Variants in MAGI2 observed in about 807,000 individuals in gnomAD.
MAGI2 encodes the protein membrane-associated guanylate kinase, WW and PDZ domain-containing protein 2.
Under a neutral mutation model 133.3 loss-of-function variants are expected in MAGI2, and 35 were observed. That is an observed-to-expected ratio of 0.26 (90% CI 0.20 to 0.35). The LOEUF (loss-of-function observed/expected upper bound fraction) is 0.35, where lower values mean the gene tolerates loss of function less well. Ranked by LOEUF, MAGI2 falls within the 10% of genes least tolerant of loss-of-function variation. MAGI2 has a pLI of 1.00. For synonymous variants in MAGI2, 729 were observed against 710.6 expected (o/e 1.03, Z -0.41); for missense variants, 1,636 against 1,863.4 (o/e 0.88, Z 2.25).
chr7:79,450,294 G>A (rs1384392913), intron 1 of MAGI2, among the ~76,000 whole-genome samples: 1 of 152,034 alleles, frequency 6.6e-6, no homozygotes, highest in Non-Finnish European at 1.5e-5. Context: ...AATGACATCT[G>A]TATTGAAACC....
chr7:78,256,040 G>T lies in MAGI2; in HGVS notation c.1950C>A (p.Asn650Lys). 1 of 1,613,580 alleles carries T rather than the reference G, an allele frequency of 6.2e-7. No homozygotes were observed. Among genetic ancestry groups the T allele is most frequent in the African/African-American group, 1.3e-5 (1 of 75,030 alleles). The change falls in exon 10 of 22, where the codon AAC (asparagine) becomes AAA (lysine). Residue 650 changes from asparagine to lysine, a missense_variant. Asn to Lys is a moderately conservative substitution (Grantham distance 94). Around this residue, in one of 5 missense-constraint regions of MAGI2, gnomAD observed 920 missense variants for 1,093.5 expected, o/e 0.84. Transcript: ENST00000354212. ...GGCTCAGGTTCTGTACATTCTGCTG[G>T]TTGATCTCAACAATGAGGTCGCCTT... ...LCEGDLIVEI[N>K]QQNVQNLSHT...
chr7:78,807,762 C>A (rs2151399689), intron 2 of MAGI2, among the ~76,000 whole-genome samples: 1 of 152,254 alleles, frequency 6.6e-6, no homozygotes, highest in South Asian at 2.1e-4. Context: ...ATAAGTGAAT[C>A]CTAACTATAA....
chr7:79,390,964 C>A (rs910962878), intron 1 of MAGI2, among the ~76,000 whole-genome samples: 4 of 152,162 alleles, frequency 2.6e-5, no homozygotes, highest in Admixed American at 2.6e-4. Context: ...CAGCCCAATT[C>A]ATAGTATCCT....
rs193090016 is a variant in MAGI2, at chr7:78,855,703, C to T, written c.418+151387G>A. ...AAGTCTTTGCTATTGTGAATAGTGC[C>T]GCAATAAACATACATGTGCATGTGT... On this transcript the variant is annotated intron_variant, in intron 2 of 21. Transcript: ENST00000354212. Among the ~76,000 whole-genome samples, 1,396 of 152,198 alleles carry T rather than the reference C, an allele frequency of 9.2e-3. 26 individuals carry two copies. Among genetic ancestry groups the T allele is most frequent in the African/African-American group, 0.032 (1,313 of 41,518 alleles).
At chr7:79,164,697 T>C (rs7794136) in intron 1 of MAGI2, among the ~76,000 whole-genome samples, 114,876 of 151,910 alleles carry the variant, frequency 0.76, 44,981 homozygotes, top group Non-Finnish European at 0.87. Flanking sequence ...AGCTTGAAAG[T>C]TCCCCCACCT....
intron 10 of MAGI2, among the ~76,000 whole-genome samples, chr7:78,220,355 C>T (rs1464873835): frequency 6.6e-6 from 1 of 152,168 alleles, no homozygotes; most frequent in Admixed American, 6.5e-5. Flanking sequence ...CCCATGGTAC[C>T]CTGGCTGCAC....
At chr7:78,395,369 G>A (rs1186539062) in intron 6 of MAGI2, among the ~76,000 whole-genome samples, 4 of 152,200 alleles carry the variant, frequency 2.6e-5, no homozygotes, top group African/African-American at 9.6e-5. Context: ...AGAGAAAGCT[G>A]TAGCTCATGG....
rs377486568 is a variant in MAGI2 at position 79,060,951 on chromosome 7, A to T, written c.302-53745T>A. On this transcript the variant is annotated intron_variant, in intron 1 of 21. Transcript: ENST00000354212. ...AGCCAGTGGTGGCTCCAGAATTTCT[A>T]TCTGAGATGAGTTTTAAGGGAGGTT... is the stretch of plus-strand genomic sequence containing the variant. Among the ~76,000 whole-genome samples the T allele has an allele frequency of 5.9e-5, 9 of 152,276 alleles. No individual in the cohort carries two copies. The South Asian group carries it at 1.9e-3, about 32-fold the overall frequency.
intron 1 of MAGI2, among the ~76,000 whole-genome samples, chr7:79,402,182 T>C (rs566297939): frequency 1.2e-4 from 18 of 152,266 alleles, no homozygotes; most frequent in African/African-American, 4.3e-4. Flanking sequence ...TATAAAAATA[T>C]AATCTTAAAA....
At chr7:78,244,264 G>T (rs1034646621) in intron 10 of MAGI2, among the ~76,000 whole-genome samples, 1 of 140,946 alleles carries the variant, frequency 7.1e-6, no homozygotes, top group African/African-American at 2.5e-5. Flanking sequence ...GAGAATATTT[G>T]ATTTTAATTC....
At chr7:78,835,539 T>TAC (rs1791546258) in intron 2 of MAGI2, among the ~76,000 whole-genome samples, 1 of 151,930 alleles carries the variant, frequency 6.6e-6, no homozygotes, top group Non-Finnish European at 1.5e-5. Flanking sequence ...GAATCTCCTA[T>TAC]CTGTGAGAAG....
intron 6 of MAGI2, among the ~76,000 whole-genome samples, chr7:78,397,284 C>G (rs988792651): frequency 6.6e-6 from 1 of 151,386 alleles, no homozygotes; most frequent in Non-Finnish European, 1.5e-5. Flanking sequence ...AGGATTGAGT[C>G]TATAAAAATA....
chr7:78,609,083 C>T (rs935003158), intron 3 of MAGI2, among the ~76,000 whole-genome samples: 1 of 152,168 alleles, frequency 6.6e-6, no homozygotes, highest in East Asian at 1.9e-4. Flanking sequence ...GCCAGTCTTA[C>T]ATTTTCACGT....
intron 2 of MAGI2, among the ~76,000 whole-genome samples, chr7:78,918,811 T>C (rs192746631): frequency 1.1e-4 from 17 of 152,106 alleles, no homozygotes; most frequent in African/African-American, 9.7e-5. Flanking sequence ...AATAATTGCA[T>C]ATAAGTTTAA....
chr7:78,515,640 C>T (rs1428493254), intron 4 of MAGI2, among the ~76,000 whole-genome samples: 1 of 150,850 alleles, frequency 6.6e-6, no homozygotes, highest in East Asian at 1.9e-4. Context: ...GTAGCTCAAG[C>T]CTGGAATCCC....
intron 3 of MAGI2, among the ~76,000 whole-genome samples, chr7:78,624,367 T>C (rs1808090929): frequency 6.6e-6 from 1 of 152,138 alleles, no homozygotes; most frequent in South Asian, 2.1e-4. Flanking sequence ...TTTGGTGTTT[T>C]CATCACGAAA....
intron 2 of MAGI2, among the ~76,000 whole-genome samples, chr7:78,833,970 C>A (rs971940563): frequency 6.6e-6 from 1 of 152,126 alleles, no homozygotes; most frequent in Admixed American, 6.6e-5. Context: ...ATTTTACTAA[C>A]GTGAAAGTCA....
intron 2 of MAGI2, among the ~76,000 whole-genome samples, chr7:78,934,390 T>C (rs1487091403): frequency 6.6e-6 from 1 of 152,168 alleles, no homozygotes; most frequent in African/African-American, 2.4e-5. Context: ...AGGCCTGAGC[T>C]ACCGTGCCCG....
chr7:79,275,909 C>G (rs1484885353), intron 1 of MAGI2, among the ~76,000 whole-genome samples: 1 of 152,136 alleles, frequency 6.6e-6, no homozygotes. Flanking sequence ...ATGTTTGAGA[C>G]CTACTGCTCA....
Sources: allele counts gnomAD v4.1 joint callset (sites outside exome capture counted in the v4.1 genomes callset), GRCh38; gene constraint gnomAD v4.1.1; regional missense constraint gnomAD v4.1.1; transcripts MANE v1.5; gene names NCBI Gene and HGNC (gene_info 2026-07-23, HGNC 2026-07-21).